The following TEC variants were observed in gnomAD, a reference collection of about 807,000 sequenced individuals.
TEC encodes tec protein tyrosine kinase, also known as tyrosine-protein kinase Tec.
Under a neutral mutation model 93.0 loss-of-function variants are expected in TEC, and 72 were observed. The observed-to-expected ratio is 0.77, with a 90% CI of 0.64 to 0.94. The LOEUF (loss-of-function observed/expected upper bound fraction) is 0.94, where lower values mean the gene tolerates loss of function less well. Among genes scored for constraint, TEC ranks in the 40% least tolerant of loss-of-function variants. The pLI, the probability that TEC is intolerant of heterozygous loss-of-function variation, is 0.00. For missense variants in TEC, 630 were observed against 757.9 expected (o/e 0.83, Z 1.98); for synonymous variants, 249 against 247.7 (o/e 1.01, Z -0.05).
At chr4:48,171,496 G>T in intron 3 of TEC, 47 bp from the exon 4 acceptor site, 1 of 1,491,896 alleles carries the variant, frequency 6.7e-7, no homozygotes, top group Non-Finnish European at 9.3e-7. Context: ...CTTAGACACA[G>T]CACTTCTGTC....
chr4:48,164,017 A>G (rs1207128122), intron 7 of TEC, among the ~76,000 whole-genome samples: 1 of 152,180 alleles, frequency 6.6e-6, no homozygotes, highest in African/African-American at 2.4e-5. Context: ...GGGAAACTAA[A>G]GCTTAGAAAG....
intron 2 of TEC, among the ~76,000 whole-genome samples, chr4:48,217,228 C>T (rs1402682087): frequency 1.3e-5 from 2 of 152,046 alleles, no homozygotes; most frequent in Non-Finnish European, 2.9e-5. Context: ...CTCAGCCTCC[C>T]GAGTAGTTGG....
chr4:48,266,715 G>A (rs1724644560), intron 1 of TEC, among the ~76,000 whole-genome samples: 2 of 152,074 alleles, frequency 1.3e-5, no homozygotes, highest in African/African-American at 2.4e-5. Context: ...GCACATGCCT[G>A]TAATCCCAAC....
intron 2 of TEC, among the ~76,000 whole-genome samples, chr4:48,194,566 A>G (rs753930385): frequency 2.0e-5 from 3 of 152,198 alleles, no homozygotes; most frequent in African/African-American, 7.2e-5. Context: ...CTTGTTTTCA[A>G]TGAATACAGT....
rs756431525 is a variant in TEC, at chr4:48,138,947, A to G, written c.1611T>C (p.Phe537=). The change falls in exon 16 of 18, where the codon TTT becomes TTC. Residue 537 remains phenylalanine (F), a synonymous_variant. Coordinates refer to ENST00000381501, the MANE Select transcript of TEC (RefSeq NM_003215.3). ...FPVKWCPPEV[F]NYSRFSSKSD... Reference sequence around the variant, plus strand: ...ATTTGCTGCTGAAGCGGCTGTAATTAAACACTTCAGGTGGACACCACTTCA... The same window carrying G: ...ATTTGCTGCTGAAGCGGCTGTAATTGAACACTTCAGGTGGACACCACTTCA... 1.5e-5 allele frequency: 25 copies of G among 1,614,124 alleles called. No homozygotes were observed. The highest frequency in any genetic ancestry group is 2.0e-5 in the Non-Finnish European group (24 of 1,180,042).
chr4:48,185,483 C>G (rs991540472), intron 2 of TEC, among the ~76,000 whole-genome samples: 3 of 152,180 alleles, frequency 2.0e-5, no homozygotes, highest in Admixed American at 6.5e-5. Context: ...AAACTGCTGC[C>G]TCTTTACCAA....
At position 48,163,765 on chromosome 4, in the gene TEC, T is replaced by G; in HGVS notation, c.674A>C (p.Asn225Thr). 6.8e-7 allele frequency: 1 copy of G among 1,470,388 alleles called. No homozygotes were observed. The highest frequency in any genetic ancestry group is 9.2e-7 in the Non-Finnish European group (1 of 1,081,816). 91.1% of individuals were successfully genotyped at this position (1,470,388 alleles called of 1,614,324 possible). A position where few individuals can be genotyped will look rare whatever the true frequency, so the allele number is the denominator to read the frequency against. ...GTAATTACTTGGGATATATCCTTCA[T>G]TCCTAGAAATAAGAAAAATACTTTA... ...HWWRARDKYGNEGYIPSNYVT... is the reference protein window; with the variant it reads ...HWWRARDKYGTEGYIPSNYVT... Residue 225 changes from asparagine to threonine, a missense_variant and splice_region_variant, in exon 8 of 18, where the codon AAT becomes ACT. Physicochemically the swap from Asn to Thr is moderately conservative, Grantham distance 65. Coordinates refer to ENST00000381501, the MANE Select transcript of TEC (RefSeq NM_003215.3).
chr4:48,138,300 G>A (rs1220447068), intron 17 of TEC, among the ~76,000 whole-genome samples: 1 of 152,146 alleles, frequency 6.6e-6, no homozygotes, highest in Non-Finnish European at 1.5e-5. Flanking sequence ...GAAAGTTGAG[G>A]TTTAGAGAAA....
At chr4:48,143,950 G>T (rs1369547458) in intron 14 of TEC, among the ~76,000 whole-genome samples, 3 of 152,176 alleles carry the variant, frequency 2.0e-5, no homozygotes, top group South Asian at 2.1e-4. Flanking sequence ...CTAAGGCCAG[G>T]TGCAGTGGCT....
intron 2 of TEC, among the ~76,000 whole-genome samples, chr4:48,213,872 C>T (rs988212893): frequency 6.6e-6 from 1 of 152,068 alleles, no homozygotes; most frequent in Non-Finnish European, 1.5e-5. Flanking sequence ...GACTCTGTCC[C>T]TGAAAAAAAA....
intron 2 of TEC, among the ~76,000 whole-genome samples, chr4:48,215,870 C>A (rs549924426): frequency 6.6e-6 from 1 of 152,118 alleles, no homozygotes; most frequent in Non-Finnish European, 1.5e-5. Flanking sequence ...CAGAAATATT[C>A]GATATGAGCT....
At chr4:48,245,138 C>T (rs1724020043) in intron 1 of TEC, among the ~76,000 whole-genome samples, 1 of 151,868 alleles carries the variant, frequency 6.6e-6, no homozygotes, top group African/African-American at 2.4e-5. Flanking sequence ...ACTAAAAATA[C>T]AAAAATTTGC....
intron 1 of TEC, among the ~76,000 whole-genome samples, chr4:48,268,889 C>A (rs1356245821): frequency 6.6e-6 from 1 of 152,188 alleles, no homozygotes; most frequent in Non-Finnish European, 1.5e-5. Flanking sequence ...CAAAGAATAG[C>A]AATGGATGAG....
intron 11 of TEC, 143 bp from the exon 12 acceptor site, chr4:48,146,542 T>A: frequency 1.5e-6 from 1 of 656,324 alleles, no homozygotes; most frequent in Non-Finnish European, 2.6e-6. Context: ...CTCTGCTATA[T>A]GCTTTTATTC....
chr4:48,179,380 T>C (rs867100304), intron 2 of TEC, among the ~76,000 whole-genome samples: 1 of 92,022 alleles, frequency 1.1e-5, no homozygotes, highest in African/African-American at 4.6e-5. Flanking sequence ...ATATATATTT[T>C]TTTTTTTTTT....
At chr4:48,257,565 C>T (rs997542523) in intron 1 of TEC, among the ~76,000 whole-genome samples, 5 of 152,210 alleles carry the variant, frequency 3.3e-5, no homozygotes, top group African/African-American at 1.2e-4. Flanking sequence ...GAACTTCAAT[C>T]TCTTCATCTG....
intron 8 of TEC, among the ~76,000 whole-genome samples, chr4:48,162,675 C>T (rs1331927772): frequency 1.3e-5 from 2 of 152,232 alleles, no homozygotes; most frequent in Non-Finnish European, 2.9e-5. Flanking sequence ...CCACTGAGCG[C>T]TGTGGCTTTT....
intron 2 of TEC, among the ~76,000 whole-genome samples, chr4:48,192,016 A>C (rs1722110292): frequency 6.6e-6 from 1 of 152,242 alleles, no homozygotes; most frequent in South Asian, 2.1e-4. Flanking sequence ...TGCACTAAGC[A>C]CAAAAGGCAT....
At chr4:48,211,098 T>C (rs1285233301) in intron 2 of TEC, among the ~76,000 whole-genome samples, 4 of 152,188 alleles carry the variant, frequency 2.6e-5, no homozygotes, top group Non-Finnish European at 5.9e-5. Flanking sequence ...TTGTCCTAGG[T>C]CATGCAATTA....
Sources: allele counts gnomAD v4.1 joint callset (sites outside exome capture counted in the v4.1 genomes callset), GRCh38; gene constraint gnomAD v4.1.1; transcripts MANE v1.5; gene names NCBI Gene and HGNC (gene_info 2026-07-23, HGNC 2026-07-21).